The following PTPRK variants were observed in gnomAD, a reference collection of about 807,000 sequenced individuals.
PTPRK encodes the protein receptor-type tyrosine-protein phosphatase kappa.
Under a neutral mutation model 178.0 loss-of-function variants are expected in PTPRK, and 75 were observed. The observed-to-expected ratio is 0.42, with a 90% CI of 0.35 to 0.51. PTPRK has a LOEUF of 0.51. PTPRK is among the 20% of genes least tolerant of loss of function. The pLI is 0.02. For missense variants in PTPRK, 1,441 were observed against 1,797.8 expected, an observed-to-expected ratio of 0.80 and a Z score of 3.59; for synonymous variants, 637 against 620.6, an observed-to-expected ratio of 1.03 and a Z score of -0.39.
At chr6:128,458,956 T>G (rs1848708147) in intron 1 of PTPRK, among the ~76,000 whole-genome samples, 1 of 152,176 alleles carries the variant, frequency 6.6e-6, no homozygotes, top group Admixed American at 6.6e-5. Context: ...CACAGAATTT[T>G]GGAAATACAT....
At chr6:128,350,987 T>C (rs1202200130) in intron 2 of PTPRK, among the ~76,000 whole-genome samples, 2 of 152,214 alleles carry the variant, frequency 1.3e-5, no homozygotes, top group Non-Finnish European at 2.9e-5. Context: ...AACAAGTATG[T>C]CTGATACTTC....
At chr6:128,429,044 G>A (rs73589575) in intron 1 of PTPRK, among the ~76,000 whole-genome samples, 2,068 of 152,108 alleles carry the variant, frequency 0.014, 46 homozygotes, top group African/African-American at 0.047. Flanking sequence ...TAGGTTTATC[G>A]GGATGTAATC....
At chr6:128,280,059 G>T (rs1394360080) in intron 3 of PTPRK, among the ~76,000 whole-genome samples, 1 of 152,138 alleles carries the variant, frequency 6.6e-6, no homozygotes, top group Admixed American at 6.6e-5. Flanking sequence ...ATTCATGCAT[G>T]TATGAATAAT....
At chr6:128,106,355 GT>G (rs1789720835) in intron 7 of PTPRK, among the ~76,000 whole-genome samples, 1 of 151,972 alleles carries the variant, frequency 6.6e-6, no homozygotes, top group South Asian at 2.1e-4. Context: ...GTGTTTGGCT[GT>G]TTATCCATCT....
At chr6:128,039,147 A>G (rs1007834247) in intron 13 of PTPRK, among the ~76,000 whole-genome samples, 2 of 152,184 alleles carry the variant, frequency 1.3e-5, no homozygotes, top group African/African-American at 4.8e-5. Context: ...ATCTTAACCA[A>G]GGATGTTAAT....
chr6:128,500,496 T>C (rs1240589891), intron 1 of PTPRK: 1 of 152,206 alleles, frequency 6.6e-6, no homozygotes. Context: ...TGAATATCAA[T>C]TAATTGTTAA....
chr6:128,213,780 G>T (rs561382952), intron 6 of PTPRK, among the ~76,000 whole-genome samples: 77 of 152,128 alleles, frequency 5.1e-4, no homozygotes, highest in African/African-American at 1.8e-3. Flanking sequence ...TTAATTTTAT[G>T]TACAAAAAGA....
intron 2 of PTPRK, among the ~76,000 whole-genome samples, chr6:128,373,764 G>A (rs990788680): frequency 1.8e-4 from 28 of 152,270 alleles, no homozygotes; most frequent in African/African-American, 6.5e-4. Context: ...CATTGTGGTA[G>A]TGATCACTCC....
chr6:128,087,705 C>CA (rs1786148090), intron 8 of PTPRK, among the ~76,000 whole-genome samples: 1 of 152,082 alleles, frequency 6.6e-6, no homozygotes, highest in Non-Finnish European at 1.5e-5. Flanking sequence ...TCAAACATGA[C>CA]AAAAGCACAT....
intron 11 of PTPRK, among the ~76,000 whole-genome samples, chr6:128,077,707 C>A (rs563459781): frequency 2.6e-5 from 4 of 151,932 alleles, no homozygotes; most frequent in Non-Finnish European, 5.9e-5. Flanking sequence ...AACAAAATGT[C>A]CACAAAATCA....
chr6:128,065,173 T>C (rs72983916), intron 12 of PTPRK, among the ~76,000 whole-genome samples: 1 of 152,194 alleles, frequency 6.6e-6, no homozygotes, highest in Non-Finnish European at 1.5e-5. Context: ...CTGAGAACTG[T>C]AGACTGAGAC....
At chr6:128,062,808 A>G (rs1462859469) in intron 13 of PTPRK, 1 of 151,664 alleles carries the variant, frequency 6.6e-6, no homozygotes, top group African/African-American at 2.4e-5. Flanking sequence ...CCTCCCAAGT[A>G]CCTGGGACCA....
chr6:128,009,025 T>C, intron 14 of PTPRK, 105 bp downstream of exon 14: 1 of 1,044,994 alleles, frequency 9.6e-7, no homozygotes, highest in Non-Finnish European at 1.3e-6. Context: ...ATTAAAATTT[T>C]CTTCCTGTTG....
intron 2 of PTPRK, among the ~76,000 whole-genome samples, chr6:128,382,686 A>G (rs959322540): frequency 3.3e-5 from 5 of 151,668 alleles, no homozygotes; most frequent in African/African-American, 1.2e-4. Flanking sequence ...GTGATCCTCC[A>G]GCCTCAGCCT....
intron 3 of PTPRK, among the ~76,000 whole-genome samples, chr6:128,248,274 A>C (rs984600308): frequency 1.3e-5 from 2 of 152,222 alleles, no homozygotes; most frequent in African/African-American, 4.8e-5. Context: ...GACTATATAC[A>C]TCTGTGTGTA....
chr6:128,299,224 T>C (rs1160462276), intron 3 of PTPRK, among the ~76,000 whole-genome samples: 1 of 151,600 alleles, frequency 6.6e-6, no homozygotes, highest in African/African-American at 2.4e-5. Context: ...TAAAAGAGGA[T>C]ACAAACAAAT....
intron 6 of PTPRK, among the ~76,000 whole-genome samples, chr6:128,187,602 C>G (rs998223673): frequency 6.6e-6 from 1 of 152,062 alleles, no homozygotes; most frequent in Non-Finnish European, 1.5e-5. Context: ...ATATTCAACA[C>G]TAGTGTTGTT....
chr6:128,360,239 C>T (rs1371102062), intron 2 of PTPRK, among the ~76,000 whole-genome samples: 1 of 152,118 alleles, frequency 6.6e-6, no homozygotes, highest in Non-Finnish European at 1.5e-5. Flanking sequence ...TCCTATTTCC[C>T]GGGACCTGGT....
At chr6:128,232,065 C>T (rs1249785515) in intron 5 of PTPRK, 1 of 152,200 alleles carries the variant, frequency 6.6e-6, no homozygotes, top group Non-Finnish European at 1.5e-5. Flanking sequence ...GGTCTAGTAC[C>T]AACTTTTCCA....
Sources: gnomAD v4.1 joint callset for allele counts (sites outside exome capture counted in the v4.1 genomes callset) on GRCh38, gnomAD v4.1.1 for gene constraint, MANE v1.5 for transcripts, NCBI Gene and HGNC (gene_info 2026-07-23, HGNC 2026-07-21) for gene names.